CADPS2: variants seen among roughly 807,000 people sequenced by gnomAD.
CADPS2 encodes calcium-dependent secretion activator 2.
Under a neutral mutation model 172.5 loss-of-function variants are expected in CADPS2, and 93 were observed. The observed-to-expected ratio is 0.54, with a 90% CI of 0.46 to 0.64. The LOEUF (loss-of-function observed/expected upper bound fraction) is 0.64, where lower values mean the gene tolerates loss of function less well. Ranked by LOEUF, CADPS2 falls within the 30% of genes least tolerant of loss-of-function variation. The pLI, the probability that CADPS2 is intolerant of heterozygous loss-of-function variation, is 0.00. For synonymous variants in CADPS2, 546 were observed against 555.2 expected, an observed-to-expected ratio of 0.98 and a Z score of 0.23; for missense variants, 1,420 against 1,565.9, an observed-to-expected ratio of 0.91 and a Z score of 1.57.
At chr7:122,722,404 A>G (rs1231437279) in intron 2 of CADPS2, among the ~76,000 whole-genome samples, 1 of 149,360 alleles carries the variant, frequency 6.7e-6, no homozygotes, top group Non-Finnish European at 1.5e-5. Context: ...AATAACAGAC[A>G]AACAGAGAGC....
At chr7:122,364,830 G>A (rs764374271) in intron 25 of CADPS2, among the ~76,000 whole-genome samples, 2 of 152,082 alleles carry the variant, frequency 1.3e-5, no homozygotes, top group Non-Finnish European at 2.9e-5. Context: ...TTTCCCTTTG[G>A]GAAATACAAA....
intron 28 of CADPS2, among the ~76,000 whole-genome samples, chr7:122,341,919 C>A (rs998928917): frequency 6.6e-6 from 1 of 152,076 alleles, no homozygotes; most frequent in Non-Finnish European, 1.5e-5. Flanking sequence ...CTGTTAACAT[C>A]ATGGACCTGC....
intron 17 of CADPS2, among the ~76,000 whole-genome samples, chr7:122,420,039 G>A (rs73431531): frequency 0.08 from 12,217 of 152,134 alleles, 1,284 homozygotes; most frequent in African/African-American, 0.25. Flanking sequence ...CCAGAGTCTT[G>A]GAGAGGTTGA....
At chr7:122,474,227 T>C (rs2152197292) in intron 13 of CADPS2, among the ~76,000 whole-genome samples, 154 bp downstream of exon 13, 1 of 152,246 alleles carries the variant, frequency 6.6e-6, no homozygotes. Context: ...GAATCCTTTA[T>C]CCCTCACTCC....
intron 1 of CADPS2, among the ~76,000 whole-genome samples, chr7:122,803,526 G>GA (rs983571884): frequency 2.6e-5 from 4 of 152,120 alleles, no homozygotes; most frequent in African/African-American, 9.7e-5. Context: ...AGAATCACAT[G>GA]AAAATGTGAC....
At chr7:122,472,323 G>C (rs1429016192) in intron 13 of CADPS2, among the ~76,000 whole-genome samples, 1 of 152,042 alleles carries the variant, frequency 6.6e-6, no homozygotes, top group East Asian at 1.9e-4. Context: ...AAAGAATAAT[G>C]AGAAAAAGGT....
chr7:122,378,086 T>C (rs865776029), intron 25 of CADPS2, among the ~76,000 whole-genome samples: 9 of 152,184 alleles, frequency 5.9e-5, no homozygotes, highest in Non-Finnish European at 1.0e-4. Flanking sequence ...TGTTTTCACT[T>C]AATACTATAT....
intron 3 of CADPS2, among the ~76,000 whole-genome samples, chr7:122,654,311 G>A (rs1174443768): frequency 1.3e-5 from 2 of 152,352 alleles, no homozygotes; most frequent in African/African-American, 2.4e-5. Context: ...ATATTTTAAT[G>A]TAGATGAAAC....
At chr7:122,497,773 T>C (rs2058859709) in intron 9 of CADPS2, among the ~76,000 whole-genome samples, 1 of 152,240 alleles carries the variant, frequency 6.6e-6, no homozygotes. Context: ...AAATATATCC[T>C]TTTGAAATAT....
chr7:122,444,719 G>A (rs1036886713), intron 15 of CADPS2, among the ~76,000 whole-genome samples: 6 of 152,080 alleles, frequency 3.9e-5, no homozygotes, highest in East Asian at 1.9e-4. Flanking sequence ...GATGTGTGTC[G>A]TCTAAATACT....
chr7:122,564,847 G>GCACACACACACA lies in CADPS2; in HGVS notation c.1336-10170_1336-10159dup, dbSNP rs113078322. ...CACAGACACACACATACACACACAT[G>GCACACACACACA]CACACACACACACACACACACACAC... On this transcript the variant is annotated intron_variant, in intron 7 of 29. Transcript: ENST00000449022. Among the ~76,000 whole-genome samples the GCACACACACACA allele has an allele frequency of 5.5e-5, 8 of 145,520 alleles. No individual in the cohort carries two copies. In the East Asian group the frequency reaches 8.1e-4, roughly 15 times the overall value.
chr7:122,783,436 C>T (rs1793274704), intron 1 of CADPS2, among the ~76,000 whole-genome samples: 2 of 152,170 alleles, frequency 1.3e-5, no homozygotes, highest in African/African-American at 2.4e-5. Flanking sequence ...CCGCAGCGTT[C>T]CTCACATGGG....
chr7:122,645,818 G>GTATA (rs1200409594), intron 3 of CADPS2, among the ~76,000 whole-genome samples: 1 of 148,586 alleles, frequency 6.7e-6, no homozygotes, highest in Non-Finnish European at 1.5e-5. Flanking sequence ...ATATATATAT[G>GTATA]TATATATATA....
intron 1 of CADPS2, among the ~76,000 whole-genome samples, chr7:122,822,920 G>A (rs559789304): frequency 3.3e-5 from 5 of 151,728 alleles, no homozygotes; most frequent in African/African-American, 4.8e-5. Flanking sequence ...GACTCACCCC[G>A]CCTGCACCCA....
At chr7:122,414,898 T>C (rs1323284588) in intron 18 of CADPS2, among the ~76,000 whole-genome samples, 1 of 152,218 alleles carries the variant, frequency 6.6e-6, no homozygotes, top group Non-Finnish European at 1.5e-5. Flanking sequence ...TTATTCTTGC[T>C]CATTTCATGT....
intron 1 of CADPS2, among the ~76,000 whole-genome samples, chr7:122,816,511 G>A (rs1299804695): frequency 6.6e-6 from 1 of 152,178 alleles, no homozygotes; most frequent in Non-Finnish European, 1.5e-5. Context: ...AGTACAGGTA[G>A]CTCTTAAATA....
At chr7:122,533,049 CCTA>C (rs2061920531) in intron 8 of CADPS2, among the ~76,000 whole-genome samples, 1 of 151,986 alleles carries the variant, frequency 6.6e-6, no homozygotes, top group Non-Finnish European at 1.5e-5. Context: ...TTTAGAAAGG[CCTA>C]TCACTCTTGC....
intron 1 of CADPS2, among the ~76,000 whole-genome samples, chr7:122,769,407 G>A (rs2093647002): frequency 6.6e-6 from 1 of 152,072 alleles, no homozygotes; most frequent in African/African-American, 2.4e-5. Context: ...GAGCCCTCCA[G>A]GAACAGAATC....
At chr7:122,433,306 A>AC (rs967710111) in intron 17 of CADPS2, among the ~76,000 whole-genome samples, 68 of 150,880 alleles carry the variant, frequency 4.5e-4, no homozygotes, top group African/African-American at 1.5e-3. Context: ...TTTCTAAAAA[A>AC]CCCCTATCTT....
Sources: allele counts gnomAD v4.1 joint callset (sites outside exome capture counted in the v4.1 genomes callset), GRCh38; gene constraint gnomAD v4.1.1; transcripts MANE v1.5; gene names NCBI Gene and HGNC (gene_info 2026-07-23, HGNC 2026-07-21).